Variants in RHBDF1 observed in about 807,000 individuals in gnomAD.
RHBDF1 encodes the protein rhomboid 5 homolog 1, also known as inactive rhomboid protein 1.
Under a neutral mutation model 98.6 loss-of-function variants are expected in RHBDF1, and 80 were observed. That is an observed-to-expected ratio of 0.81 (90% confidence interval 0.68 to 0.98). RHBDF1 has a LOEUF of 0.98. RHBDF1 is among the 50% of genes least tolerant of loss of function. The probability of loss-of-function intolerance (pLI) is 0.00; values close to 1 mark genes in which losing one functional copy is unlikely to be tolerated. For synonymous variants in RHBDF1, 512 were observed against 486.8 expected (o/e 1.05, Z -0.68); for missense variants, 1,116 against 1,198.3 (o/e 0.93, Z 1.01).
Position 59,009 on chromosome 16 carries a change from G to A in RHBDF1, c.2113C>T (p.Leu705=). 1.2e-6 allele frequency: 2 copies of A among 1,613,270 alleles called. No homozygotes were observed. The highest frequency in any genetic ancestry group is 1.1e-5 in the South Asian group (1 of 91,082). The change falls in exon 17 of 18, where the codon CTG becomes TTG. Residue 705 remains leucine, a synonymous_variant. Transcript: ENST00000262316. ...IYLLSGVTGN[L]ASAIFLPYRA... Reference sequence around the variant, plus strand: ...TATGGCAGGAAGATGGCACTGGCCAGGTTGCCGGTGACACCACTCAGCAGG... The same window carrying A: ...TATGGCAGGAAGATGGCACTGGCCAAGTTGCCGGTGACACCACTCAGCAGG...
chr16:61,909 C>A lies in RHBDF1; in HGVS notation c.1097G>T (p.Arg366Leu), dbSNP rs761287711. 4 of 1,604,314 alleles carry A rather than the reference C, an allele frequency of 2.5e-6. No individual in the cohort carries two copies. Among genetic ancestry groups the A allele is most frequent in the Non-Finnish European group, 3.4e-6 (4 of 1,179,628 alleles). Reference sequence around the variant, plus strand: ...GCCCAGCCCATACGGCCGCTTCTCCCGGGCGAAGAGCTTGCGCACCGGCAC... The same window carrying A: ...GCCCAGCCCATACGGCCGCTTCTCCAGGGCGAAGAGCTTGCGCACCGGCAC... ...IAVPVRKLFA[R>L]EKRPYGLGMV... is the part of the protein sequence containing the mutation. Residue 366 changes from arginine (R) to leucine (L), a missense_variant, in exon 8 of 18, where the codon CGG becomes CTG. By Grantham distance (102) the Arg-to-Leu change is moderately radical. Transcript: ENST00000262316.
At position 59,844 on chromosome 16, in the gene RHBDF1, A is replaced by G. The variant is rs1235865739; in HGVS notation, c.1723-18T>C. 6.2e-7 allele frequency: 1 copy of G among 1,614,000 alleles called. No homozygotes were observed. ...GTGCAGATCTGGGTCACAAATGAGG[A>G]CGAGCTGAGTCAGGGCCTCCCCCAA... is the stretch of plus-strand genomic sequence containing the variant. On this transcript the variant is annotated intron_variant, in intron 13 of 17. Transcript: ENST00000262316.
Position 61,474 on chromosome 16 carries a change from A to T in RHBDF1, c.1321-15T>A. ...TTCCGCAGCACCTGGGAGGTTGGGGAGCGGGATCAGACGGGCCCCGACTCT... is the reference window on the plus strand; with the variant it reads ...TTCCGCAGCACCTGGGAGGTTGGGGTGCGGGATCAGACGGGCCCCGACTCT... On this transcript the variant is annotated splice_polypyrimidine_tract_variant and intron_variant, in intron 9 of 17. Transcript: ENST00000262316. 6.2e-7 allele frequency: 1 copy of T among 1,612,158 alleles called. No homozygotes were observed. Among genetic ancestry groups the T allele is most frequent in the Non-Finnish European group, 8.5e-7 (1 of 1,179,676 alleles).
Position 58,621 on chromosome 16 carries a change from G to A in RHBDF1, c.2287C>T (p.Leu763=), listed in dbSNP as rs773186054. 6.2e-7 allele frequency: 1 copy of A among 1,613,566 alleles called. No individual in the cohort carries two copies. The highest frequency in any genetic ancestry group is 8.5e-7 in the Non-Finnish European group (1 of 1,179,984). ...GCAAAGTTGTCAATCCACGGCAGCA[G>A]CCCAAAGGTGAAGAGGAAGAGCACC... ...AVVLFLFTFG[L]LPWIDNFAHI... The change falls in exon 18 of 18, where the codon CTG becomes TTG. Residue 763 remains leucine, a synonymous_variant. Coordinates refer to ENST00000262316, the MANE Select transcript of RHBDF1 (RefSeq NM_022450.5).
At chr16:69,151 G>A (rs760823599) in intron 1 of RHBDF1, among the ~76,000 whole-genome samples, 1 of 152,128 alleles carries the variant, frequency 6.6e-6, no homozygotes, top group Non-Finnish European at 1.5e-5. Flanking sequence ...GGACACCTGG[G>A]GACAGAACCC....
At chr16:65,438 G>A (rs192078236) in intron 1 of RHBDF1, among the ~76,000 whole-genome samples, 48 of 152,328 alleles carry the variant, frequency 3.2e-4, no homozygotes, top group African/African-American at 1.2e-3. Flanking sequence ...TGGGAGCGGG[G>A]GAAGCAAACT....
At chr16:65,289 A>G (rs564205581) in intron 1 of RHBDF1, among the ~76,000 whole-genome samples, 4 of 152,366 alleles carry the variant, frequency 2.6e-5, no homozygotes, top group Admixed American at 1.3e-4. Flanking sequence ...CTGAGCACAC[A>G]CTATGGTCAG....
upstream of RHBDF1, chr16:76,272 T>C (rs1898085736): frequency 6.6e-6 from 1 of 152,288 alleles, no homozygotes; most frequent in South Asian, 2.1e-4. Context: ...CTTTCTCTTG[T>C]CCTGGACCAG....
At chr16:59,703 C>T in intron 14 of RHBDF1, 29 bp downstream of exon 14, 1 of 1,611,550 alleles carries the variant, frequency 6.2e-7, no homozygotes, top group Non-Finnish European at 8.5e-7. Flanking sequence ...GCCCAGAGAC[C>T]AGCTGCACTC....
Position 58,284 on chromosome 16 carries a change from GGTC to G in RHBDF1, c.*53_*55del. The G allele has an allele frequency of 3.9e-6, 6 of 1,544,862 alleles. No homozygotes were observed. The highest frequency in any genetic ancestry group is 5.3e-6 in the Non-Finnish European group (6 of 1,138,674). On this transcript the variant is annotated 3_prime_UTR_variant, in exon 18 of 18. Transcript: ENST00000262316. ...CCTGTAAGCCTGTGAGGCTCAGGGA[GGTC>G]GTGTCTGGCTCTGGCCTGCTGGAGC...
upstream of RHBDF1, chr16:74,855 C>G (rs763786874): frequency 1.3e-5 from 2 of 151,730 alleles, no homozygotes; most frequent in Non-Finnish European, 1.5e-5. Context: ...GAACAACCCC[C>G]TTTGACTGTA....
intron 3 of RHBDF1, chr16:64,491 T>G: frequency 6.5e-7 from 1 of 1,528,366 alleles, no homozygotes; most frequent in Non-Finnish European, 8.8e-7. Context: ...AGAGAGTGAG[T>G]GCTGAAGAGA....
chr16:63,896 G>A, intron 3 of RHBDF1, 96 bp from the exon 4 acceptor site: 1 of 1,044,450 alleles, frequency 9.6e-7, no homozygotes, highest in Non-Finnish European at 1.5e-6. Flanking sequence ...CTGCCCCCAG[G>A]CCTGTAGTCA....
At chr16:70,507 G>C (rs1357886564) in intron 1 of RHBDF1, among the ~76,000 whole-genome samples, 1 of 152,236 alleles carries the variant, frequency 6.6e-6, no homozygotes. Flanking sequence ...GGACTAGAGA[G>C]GCCACAGGAG....
chr16:68,592 A>G (rs531735350), intron 1 of RHBDF1, among the ~76,000 whole-genome samples: 1 of 152,306 alleles, frequency 6.6e-6, no homozygotes, highest in East Asian at 1.9e-4. Context: ...CAGCAGCCTC[A>G]CAGCTGCCAG....
At chr16:75,339 A>G (rs1898066615), upstream of RHBDF1, among the ~76,000 whole-genome samples, 1 of 152,134 alleles carries the variant, frequency 6.6e-6, no homozygotes, top group Non-Finnish European at 1.5e-5. Context: ...AGTGTTCCCA[A>G]CAGCTACCCC....
chr16:69,901 C>T lies in RHBDF1; in HGVS notation c.-25+2612G>A, dbSNP rs187426760. Among the ~76,000 whole-genome samples the T allele has an allele frequency of 1.7e-4, 26 of 151,802 alleles. 1 individual carries two copies. The highest frequency in any genetic ancestry group is 1.5e-3 in the Admixed American group (23 of 15,148). On this transcript the variant is annotated intron_variant, in intron 1 of 17. Coordinates refer to ENST00000262316, the MANE Select transcript of RHBDF1 (RefSeq NM_022450.5). ...AGACAAGGAGACAGAACAAGAGGTTCCCTGCTACAGGCCATCTGTGAGGGA... is the reference window on the plus strand; with the variant it reads ...AGACAAGGAGACAGAACAAGAGGTTTCCTGCTACAGGCCATCTGTGAGGGA...
At position 59,254 on chromosome 16, in the gene RHBDF1, G is replaced by A. The variant is rs146061142; in HGVS notation, c.1989C>T (p.His663=). ...CGGCCCACAGTGTCACTTGCCCGGC[G>A]TGCAGGAAGAGGGATAGCCACAGGC... ...FYRLWLSLFL[H]AGILHCLVSI... is the part of the protein sequence containing the mutation. The change falls in exon 16 of 18, where the codon CAC becomes CAT. Residue 663 remains histidine, a synonymous_variant. Transcript: ENST00000262316. 60 of 1,601,628 alleles carry A rather than the reference G, an allele frequency of 3.7e-5. No homozygotes were observed. The highest frequency in any genetic ancestry group is 4.7e-5 in the Non-Finnish European group (55 of 1,172,680).
intron 1 of RHBDF1, among the ~76,000 whole-genome samples, chr16:69,141 G>A (rs1437236516): frequency 6.6e-6 from 1 of 152,124 alleles, no homozygotes; most frequent in Non-Finnish European, 1.5e-5. Context: ...GCAGCCCTGG[G>A]GACACCTGGG....
Sources: gnomAD v4.1 joint callset for allele counts (sites outside exome capture counted in the v4.1 genomes callset) on GRCh38, gnomAD v4.1.1 for gene constraint, MANE v1.5 for transcripts, NCBI Gene and HGNC (gene_info 2026-07-23, HGNC 2026-07-21) for gene names.